Variants in ADAMTS18 observed in about 807,000 individuals in gnomAD.
ADAMTS18 encodes ADAM metallopeptidase with thrombospondin type 1 motif 18.
A neutral mutation model predicts 165.9 loss-of-function variants in ADAMTS18; 157 were observed. That is an observed-to-expected ratio of 0.95 (90% CI 0.83 to 1.08). ADAMTS18 has a LOEUF of 1.08. Ranked by LOEUF, ADAMTS18 falls within the 50% of genes least tolerant of loss-of-function variation. ADAMTS18 has a pLI of 0.00. For synonymous variants in ADAMTS18, 782 were observed against 578.2 expected (o/e 1.35, Z -5.06); for missense variants, 2,040 against 1,534.0 (o/e 1.33, Z -5.51).
At chr16:77,319,116 G>T (rs966236755) in intron 16 of ADAMTS18, among the ~76,000 whole-genome samples, 34 of 152,044 alleles carry the variant, frequency 2.2e-4, no homozygotes, top group African/African-American at 7.7e-4. Flanking sequence ...AATCATGGTA[G>T]TTTAGTATGA....
intron 10 of ADAMTS18, among the ~76,000 whole-genome samples, chr16:77,342,749 A>G (rs1290273166): frequency 2.0e-5 from 3 of 152,236 alleles, no homozygotes; most frequent in Non-Finnish European, 4.4e-5. Flanking sequence ...GAATATGTGA[A>G]GTTGTGTAGC....
intron 16 of ADAMTS18, among the ~76,000 whole-genome samples, chr16:77,306,399 C>T (rs1477588907): frequency 6.6e-6 from 1 of 152,188 alleles, no homozygotes. Flanking sequence ...GAAGGGGATG[C>T]AGTTTCTGTT....
intron 2 of ADAMTS18, among the ~76,000 whole-genome samples, chr16:77,433,059 T>G (rs77411993): frequency 6.6e-6 from 1 of 152,166 alleles, no homozygotes; most frequent in South Asian, 2.1e-4. Context: ...CTCTTAACCT[T>G]GAAAATCTGA....
intron 16 of ADAMTS18, 60 bp downstream of exon 16, chr16:77,319,789 C>T: frequency 1.2e-6 from 2 of 1,611,942 alleles, no homozygotes; most frequent in East Asian, 4.5e-5. Context: ...GCTCAAATTG[C>T]AGTCAACGAT....
intron 3 of ADAMTS18, among the ~76,000 whole-genome samples, chr16:77,403,942 C>T (rs2057362318): frequency 6.6e-6 from 1 of 152,020 alleles, no homozygotes; most frequent in African/African-American, 2.4e-5. Flanking sequence ...AAGAGTGTGA[C>T]CTTGGAGCAG....
intron 11 of ADAMTS18, among the ~76,000 whole-genome samples, chr16:77,338,536 C>T (rs2056347612): frequency 6.6e-6 from 1 of 152,064 alleles, no homozygotes; most frequent in South Asian, 2.1e-4. Flanking sequence ...CACGTCCAGG[C>T]CCAGCATACA....
chr16:77,322,419 A>G lies in ADAMTS18; in HGVS notation c.2080T>C (p.Phe694Leu). 1 of 1,614,140 alleles carries G rather than the reference A, an allele frequency of 6.2e-7. No homozygotes were observed. Among genetic ancestry groups the G allele is most frequent in the Non-Finnish European group, 8.5e-7 (1 of 1,179,986 alleles). The change falls in exon 14 of 23, where the codon TTT (phenylalanine) becomes CTT (leucine). Residue 694 changes from phenylalanine (F) to leucine (L), a missense_variant. By Grantham distance (22) the Phe-to-Leu change is conservative. Transcript: ENST00000282849. ...TTCACTTTGCCGGACATTGCAAAAAAAAATTCAAAGTTCTCAGCCTTGCAG... is the reference window on the plus strand; with the variant it reads ...TTCACTTTGCCGGACATTGCAAAAAGAAATTCAAAGTTCTCAGCCTTGCAG... Reference protein sequence around the residue: ...LYCKAENFEFFFAMSGKVKDG... With the variant: ...LYCKAENFEFLFAMSGKVKDG...
intron 19 of ADAMTS18, 120 bp downstream of exon 19, chr16:77,294,803 G>T: frequency 1.0e-6 from 1 of 976,266 alleles, no homozygotes; most frequent in Non-Finnish European, 1.6e-6. Context: ...CCAGGCACAT[G>T]AACTCAGGGT....
At chr16:77,334,793 TACTATATACTATAGTATAC>T (rs2056275114) in intron 12 of ADAMTS18, among the ~76,000 whole-genome samples, 1 of 21,972 alleles carries the variant, frequency 4.6e-5, no homozygotes, top group East Asian at 1.2e-3. Context: ...ACAGTAAATA[TACTATATACTATAGTATAC>T]AGTATATATA....
chr16:77,353,442 A>C (rs1448659634), intron 10 of ADAMTS18, among the ~76,000 whole-genome samples: 2 of 152,224 alleles, frequency 1.3e-5, no homozygotes. Flanking sequence ...AGTGATTAGC[A>C]GCAGGTACAA....
intron 12 of ADAMTS18, among the ~76,000 whole-genome samples, chr16:77,333,937 AAT>A (rs879339335): frequency 6.9e-6 from 1 of 144,210 alleles, no homozygotes; most frequent in Admixed American, 7.1e-5. Context: ...TAAATACTGT[AAT>A]ATATAGTGTC....
intron 18 of ADAMTS18, 108 bp from the exon 19 acceptor site, chr16:77,295,235 AG>A: frequency 1.9e-6 from 2 of 1,077,158 alleles, no homozygotes; most frequent in Admixed American, 1.9e-5. Context: ...AATCAATTTC[AG>A]AACCAATAAG....
At chr16:77,416,646 C>A (rs1462296665) in intron 3 of ADAMTS18, among the ~76,000 whole-genome samples, 1 of 152,172 alleles carries the variant, frequency 6.6e-6, no homozygotes, top group Non-Finnish European at 1.5e-5. Context: ...ATCCATTAAA[C>A]CTCTTTCCTT....
chr16:77,393,316 G>A (rs1020708142), intron 3 of ADAMTS18, among the ~76,000 whole-genome samples: 1 of 152,188 alleles, frequency 6.6e-6, no homozygotes, highest in African/African-American at 2.4e-5. Flanking sequence ...CTGCCTGAGG[G>A]TTTGCATTCA....
At chr16:77,361,837 T>C (rs1418916403) in intron 7 of ADAMTS18, among the ~76,000 whole-genome samples, 1 of 152,020 alleles carries the variant, frequency 6.6e-6, no homozygotes, top group African/African-American at 2.4e-5. Context: ...TGAACCGAGA[T>C]TGTGCCATTA....
Position 77,434,771 on chromosome 16 carries a change from G to T in ADAMTS18, c.-76C>A, listed in dbSNP as rs954124565. ...CGCACGGGCGGCGCGCATTCTTTCCGCGGCCCCGGAGCTCGGCGCCCCAGG... is the reference window on the plus strand; with the variant it reads ...CGCACGGGCGGCGCGCATTCTTTCCTCGGCCCCGGAGCTCGGCGCCCCAGG... On this transcript the variant is annotated 5_prime_UTR_variant, in exon 1 of 23. Transcript: ENST00000282849. 1.8e-5 allele frequency: 22 copies of T among 1,250,028 alleles called. No homozygotes were observed. The African/African-American group carries it at 3.2e-4, about 18-fold the overall frequency. 77.4% of individuals were successfully genotyped at this position (1,250,028 alleles called of 1,614,324 possible).
intron 3 of ADAMTS18, among the ~76,000 whole-genome samples, chr16:77,419,087 T>C (rs2057567179): frequency 6.6e-6 from 1 of 152,296 alleles, no homozygotes; most frequent in Non-Finnish European, 1.5e-5. Flanking sequence ...AGGCGGAGAC[T>C]GCAGTGAGCC....
chr16:77,386,534 C>T (rs1274432822), intron 3 of ADAMTS18, among the ~76,000 whole-genome samples: 4 of 152,090 alleles, frequency 2.6e-5, no homozygotes, highest in African/African-American at 2.4e-5. Flanking sequence ...AGAGAGTGGC[C>T]GCCCCATAAA....
chr16:77,395,184 G>T (rs538830046), intron 3 of ADAMTS18, among the ~76,000 whole-genome samples: 1 of 152,292 alleles, frequency 6.6e-6, no homozygotes, highest in South Asian at 2.1e-4. Context: ...CTCTTCTTAG[G>T]TCTTTCTGAA....
Sources: gnomAD v4.1 joint callset for allele counts (sites outside exome capture counted in the v4.1 genomes callset) on GRCh38, gnomAD v4.1.1 for gene constraint, MANE v1.5 for transcripts, NCBI Gene and HGNC (gene_info 2026-07-23, HGNC 2026-07-21) for gene names.